PI4K2A: variants seen among roughly 807,000 people sequenced by gnomAD.
PI4K2A encodes phosphatidylinositol 4-kinase type 2 alpha.
PI4K2A carries 20 observed loss-of-function variants against 55.0 expected under a neutral mutation model. The ratio of observed to expected loss-of-function variants is 0.36; its 90% confidence interval spans 0.26 to 0.53. The LOEUF is 0.53. Ranked by LOEUF, PI4K2A falls within the 20% of genes least tolerant of loss-of-function variation. PI4K2A has a pLI of 0.91. For synonymous variants in PI4K2A, 235 were observed against 258.5 expected (o/e 0.91, Z 0.87); for missense variants, 463 against 637.1 (o/e 0.73, Z 2.94).
Position 97,642,854 on chromosome 10 carries a change from T to TTC in PI4K2A, c.435+1677_435+1678insTC, listed in dbSNP as rs1564772283. 9.9e-3 allele frequency among the ~76,000 whole-genome samples: 140 copies of TTC among 14,172 alleles called. 8 individuals carry two copies. Among genetic ancestry groups the TTC allele is most frequent in the South Asian group, 0.015 (5 of 326 alleles). 9.3% of individuals were successfully genotyped at this position (14,172 alleles called of 152,430 possible). A position where few individuals can be genotyped will look rare whatever the true frequency, so the allele number is the denominator to read the frequency against. On this transcript the variant is annotated intron_variant, in intron 1 of 8. Coordinates refer to ENST00000370631, the Ensembl canonical transcript of PI4K2A. ...TCCTTCCTTCCTTCCTTCCTTCCTT[T>TTC]CTTTCTTTCTTTTTCTTTCTTTCTT...
intron 2 of PI4K2A, among the ~76,000 whole-genome samples, chr10:97,653,374 T>C (rs2041538322): frequency 6.6e-6 from 1 of 152,210 alleles, no homozygotes; most frequent in African/African-American, 2.4e-5. Context: ...GGGATATAAA[T>C]AGTTCCTACT....
chr10:97,665,717 C>T (rs1045608406), intron 6 of PI4K2A, among the ~76,000 whole-genome samples: 3 of 151,992 alleles, frequency 2.0e-5, no homozygotes, highest in Non-Finnish European at 4.4e-5. Flanking sequence ...CTCAGCCTCC[C>T]GAGTAGCTGG....
Position 97,670,201 on chromosome 10 carries a change from A to C in PI4K2A, c.1278+3081A>C, listed in dbSNP as rs2041628478. ...AGGCATGTGCCACCACATCCAGCCCAACATTTTCAAAGATAGTATTTATTC... is the reference window on the plus strand; with the variant it reads ...AGGCATGTGCCACCACATCCAGCCCCACATTTTCAAAGATAGTATTTATTC... On this transcript the variant is annotated intron_variant, in intron 8 of 8. Transcript: ENST00000370631. 5.9e-5 allele frequency among the ~76,000 whole-genome samples: 9 copies of C among 152,338 alleles called. No homozygotes were observed. The South Asian group carries it at 1.9e-3, about 32-fold the overall frequency.
In PI4K2A at chr10:97,642,916, CCTTCCTTCCTTT is replaced by C. The variant is rs1189841160; in HGVS notation, c.435+1743_435+1754del. 2.0e-3 allele frequency among the ~76,000 whole-genome samples: 270 copies of C among 135,680 alleles called. 4 individuals carry two copies. Among genetic ancestry groups the C allele is most frequent in the East Asian group, 9.9e-3 (46 of 4,660 alleles). The allele number at this position is 135,680 out of a possible 152,430, so 89.0% of individuals were successfully genotyped here. A position where few individuals can be genotyped will look rare whatever the true frequency, so the allele number is the denominator to read the frequency against. On this transcript the variant is annotated intron_variant, in intron 1 of 8. Coordinates refer to ENST00000370631, the Ensembl canonical transcript of PI4K2A. Reference sequence around the variant, plus strand: ...TCCTTCCTTCCTTCCTTCCTTCCTTCCTTCCTTCCTTTCTTTCCTTTCTTTCTTTCTCTTTCT... The same window carrying C: ...TCCTTCCTTCCTTCCTTCCTTCCTTCCTTTCCTTTCTTTCTTTCTCTTTCT...
rs765847319 is a variant in PI4K2A at position 97,673,567 on chromosome 10, T to G, written c.1279-14T>G. The G allele has an allele frequency of 6.2e-7, 1 of 1,613,704 alleles. No homozygotes were observed. Among genetic ancestry groups the G allele is most frequent in the Admixed American group, 1.7e-5 (1 of 60,002 alleles). ...GAGGCCTCTCCCTCACCCATCTCCT[T>G]TTTCCCACTGCAGATCTTAAATCTG... On this transcript the variant is annotated splice_polypyrimidine_tract_variant and intron_variant, in intron 8 of 8. Transcript: ENST00000370631.
At chr10:97,669,347 C>T (rs1156246372) in intron 8 of PI4K2A, among the ~76,000 whole-genome samples, 1 of 152,152 alleles carries the variant, frequency 6.6e-6, no homozygotes. Flanking sequence ...ACTGGCTTCT[C>T]CAGTTGATAT....
chr10:97,650,838 C>T, intron 1 of PI4K2A, 103 bp from the exon 2 acceptor site: 1 of 811,512 alleles, frequency 1.2e-6, no homozygotes, highest in Non-Finnish European at 2.0e-6. Flanking sequence ...TAGGAATTGT[C>T]TGCCTATGCC....
intron 4 of PI4K2A, among the ~76,000 whole-genome samples, chr10:97,660,401 T>G (rs1454888308): frequency 6.6e-6 from 1 of 151,272 alleles, no homozygotes; most frequent in Non-Finnish European, 1.5e-5. Flanking sequence ...GTTCAAGTGA[T>G]TCTCCTGCCT....
At chr10:97,672,302 A>G (rs1285489751) in intron 8 of PI4K2A, among the ~76,000 whole-genome samples, 1 of 152,114 alleles carries the variant, frequency 6.6e-6, no homozygotes, top group Non-Finnish European at 1.5e-5. Flanking sequence ...CGGCCTCCCA[A>G]AGTGCTGGGA....
At chr10:97,669,426 T>A (rs1398744552) in intron 8 of PI4K2A, among the ~76,000 whole-genome samples, 3 of 151,784 alleles carry the variant, frequency 2.0e-5, no homozygotes, top group African/African-American at 7.3e-5. Context: ...TTGCCAACCC[T>A]TCTCCCATTA....
chr10:97,668,724 C>T lies in PI4K2A; in HGVS notation c.1278+1604C>T, dbSNP rs185904013. Reference sequence around the variant, plus strand: ...TGATTTTTGTATACAGAAAATTCAGCTTCTCCCATCTTTAAAGGGCAAGAG... The same window carrying T: ...TGATTTTTGTATACAGAAAATTCAGTTTCTCCCATCTTTAAAGGGCAAGAG... On this transcript the variant is annotated intron_variant, in intron 8 of 8. Coordinates refer to ENST00000370631, the Ensembl canonical transcript of PI4K2A. Among the ~76,000 whole-genome samples the T allele has an allele frequency of 6.8e-4, 103 of 152,272 alleles. 1 individual carries two copies. The highest frequency in any genetic ancestry group is 1.0e-4 in the Non-Finnish European group (7 of 68,012).
chr10:97,659,854 A>G (rs1294745502), intron 4 of PI4K2A, among the ~76,000 whole-genome samples: 1 of 152,032 alleles, frequency 6.6e-6, no homozygotes, highest in Non-Finnish European at 1.5e-5. Context: ...TACATCAGAC[A>G]GATTTTTGCC....
In PI4K2A at chr10:97,662,937, A is replaced by G. The variant is rs754692607; in HGVS notation, c.953A>G (p.Tyr318Cys). 5.0e-6 allele frequency: 8 copies of G among 1,607,722 alleles called. No individual in the cohort carries two copies. The Admixed American group carries it at 1.3e-4, about 27-fold the overall frequency. ...GGCAATGACAACTGGCTGATTAAATATGACTGTCCAATGGATAGTTCTAGC... is the reference window on the plus strand; with the variant it reads ...GGCAATGACAACTGGCTGATTAAATGTGACTGTCCAATGGATAGTTCTAGC... Residue 318 changes from tyrosine to cysteine, a missense_variant, in exon 5 of 9, where the codon TAT becomes TGT. Transcript: ENST00000370631.
chr10:97,665,437 G>T (rs925060178), intron 6 of PI4K2A, among the ~76,000 whole-genome samples: 1 of 151,968 alleles, frequency 6.6e-6, no homozygotes, highest in East Asian at 1.9e-4. Flanking sequence ...ACCACGCCCG[G>T]CTAATTTTGT....
At chr10:97,667,213 C>A in intron 8 of PI4K2A, 93 bp downstream of exon 8, 1 of 889,268 alleles carries the variant, frequency 1.1e-6, no homozygotes, top group Non-Finnish European at 1.8e-6. Context: ...GTTTTATACC[C>A]CCCCCTTTTT....
At chr10:97,666,634 A>T in intron 7 of PI4K2A, 63 bp downstream of exon 7, 7 of 1,440,204 alleles carry the variant, frequency 4.9e-6, no homozygotes, top group Non-Finnish European at 6.6e-6. Context: ...TGGTTTTTTT[A>T]ATTGGTCCTG....
At chr10:97,650,065 C>T (rs1021314225) in intron 1 of PI4K2A, among the ~76,000 whole-genome samples, 5 of 151,994 alleles carry the variant, frequency 3.3e-5, no homozygotes, top group Non-Finnish European at 7.4e-5. Flanking sequence ...ACAGAAAGAT[C>T]CCGTAGGATA....
chr10:97,653,875 C>T (rs2041540230), intron 2 of PI4K2A, among the ~76,000 whole-genome samples: 1 of 152,118 alleles, frequency 6.6e-6, no homozygotes, highest in Non-Finnish European at 1.5e-5. Flanking sequence ...TGAGATTGTG[C>T]CACCACACTC....
At chr10:97,663,021 G>C (rs953948676) in intron 5 of PI4K2A, 53 bp downstream of exon 5, 1 of 1,189,126 alleles carries the variant, frequency 8.4e-7, no homozygotes. Context: ...GCATAATATA[G>C]AAACACATAA....
Sources: gnomAD v4.1 joint callset for allele counts (sites outside exome capture counted in the v4.1 genomes callset) on GRCh38, gnomAD v4.1.1 for gene constraint, MANE v1.5 for transcripts, NCBI Gene and HGNC (gene_info 2026-07-23, HGNC 2026-07-21) for gene names.